The following MYCBP2 variants were observed in gnomAD, a reference collection of about 807,000 sequenced individuals.
MYCBP2 encodes E3 ubiquitin-protein ligase MYCBP2.
MYCBP2 carries 120 observed loss-of-function variants against 525.3 expected under a neutral mutation model. The ratio of observed to expected loss-of-function variants is 0.23; its 90% confidence interval spans 0.20 to 0.27. The LOEUF (loss-of-function observed/expected upper bound fraction) is 0.27, where lower values mean the gene tolerates loss of function less well. Among genes scored for constraint, MYCBP2 ranks in the 10% least tolerant of loss-of-function variants. The pLI, the probability that MYCBP2 is intolerant of heterozygous loss-of-function variation, is 1.00. For synonymous variants in MYCBP2, 1,894 were observed against 1,955.8 expected (o/e 0.97, Z 0.83); for missense variants, 4,149 against 5,657.1 (o/e 0.73, Z 8.55).
At chr13:77,066,576 C>A (rs930974615) in intron 71 of MYCBP2, among the ~76,000 whole-genome samples, 6 of 152,196 alleles carry the variant, frequency 3.9e-5, no homozygotes, top group African/African-American at 1.4e-4. Context: ...TACTGTTACA[C>A]ACAATTACAG....
chr13:77,199,284 G>A (rs916947841), intron 26 of MYCBP2, among the ~76,000 whole-genome samples: 9 of 152,318 alleles, frequency 5.9e-5, no homozygotes, highest in East Asian at 1.9e-4. Flanking sequence ...GGTGACAGAC[G>A]GCACCTGGAA....
intron 1 of MYCBP2, among the ~76,000 whole-genome samples, chr13:77,310,860 T>A (rs1390452497): frequency 2.0e-5 from 3 of 152,134 alleles, no homozygotes; most frequent in Non-Finnish European, 4.4e-5. Context: ...GAAAATCTTT[T>A]TTTAAAGCCA....
chr13:77,313,861 C>G (rs2080574814), intron 1 of MYCBP2, among the ~76,000 whole-genome samples: 1 of 151,912 alleles, frequency 6.6e-6, no homozygotes, highest in African/African-American at 2.4e-5. Context: ...TTAACAGACA[C>G]CTCACCGAAC....
chr13:77,291,510 C>T (rs376156645), intron 2 of MYCBP2, among the ~76,000 whole-genome samples: 20 of 152,336 alleles, frequency 1.3e-4, no homozygotes, highest in African/African-American at 4.8e-4. Flanking sequence ...GTGACTCACG[C>T]CTGTAATCCC....
At chr13:77,122,033 G>C (rs559330125) in intron 54 of MYCBP2, among the ~76,000 whole-genome samples, 1 of 149,974 alleles carries the variant, frequency 6.7e-6, no homozygotes, top group African/African-American at 2.5e-5. Context: ...TTCCCAAATA[G>C]AAGGATAATA....
intron 30 of MYCBP2, among the ~76,000 whole-genome samples, chr13:77,186,466 AAAAT>A (rs1445109195): frequency 6.6e-6 from 1 of 152,192 alleles, no homozygotes; most frequent in East Asian, 1.9e-4. Flanking sequence ...ACTGTAGTAA[AAAAT>A]AAAATAGAGT....
rs1594269567 is a variant in MYCBP2 at position 77,243,872 on chromosome 13, G to T, written c.2461C>A (p.Gln821Lys). The T allele has an allele frequency of 6.2e-7, 1 of 1,610,260 alleles. No homozygotes were observed. Among genetic ancestry groups the T allele is most frequent in the South Asian group, 1.1e-5 (1 of 90,950 alleles). The change falls in exon 16 of 83, where the codon CAA becomes AAA. Residue 821 changes from glutamine to lysine, a missense_variant. Physicochemically the swap from Gln to Lys is moderately conservative, Grantham distance 53 (BLOSUM62 1). Coordinates refer to ENST00000544440, the MANE Select transcript of MYCBP2 (RefSeq NM_015057.5). The stretch of plus-strand genomic sequence containing the variant: ...AGAATTCCTCTTTGTCTTGCCTCTT[G>T]ACCATCTAACTCTCTTGCACAGGCC... ...CKACARELDG[Q>K]EARQRGILDA...
At chr13:77,088,157 T>TA (rs928849408) in intron 61 of MYCBP2, among the ~76,000 whole-genome samples, 18 of 151,680 alleles carry the variant, frequency 1.2e-4, no homozygotes, top group South Asian at 2.1e-4. Context: ...GGTTTTAATT[T>TA]AAAAAAAACA....
intron 44 of MYCBP2, 132 bp from the exon 45 acceptor site, chr13:77,158,241 T>C (rs552302094): frequency 4.0e-6 from 2 of 494,872 alleles, no homozygotes; most frequent in Non-Finnish European, 6.7e-6. Flanking sequence ...CCACTGTTCC[T>C]TCTTTTAACC....
At chr13:77,078,737 T>C in intron 66 of MYCBP2, 87 bp downstream of exon 66, 4 of 1,042,348 alleles carry the variant, frequency 3.8e-6, no homozygotes, top group Non-Finnish European at 4.5e-6. Flanking sequence ...TTTGGTTGTG[T>C]GCCAAGGGTG....
chr13:77,186,170 T>G (rs2060694763), intron 30 of MYCBP2, 107 bp from the exon 31 acceptor site: 2 of 788,780 alleles, frequency 2.5e-6, no homozygotes, highest in Admixed American at 7.5e-5. Flanking sequence ...CTTTTGAATT[T>G]TTTTACTGAG....
At chr13:77,268,704 G>T (rs1485169788) in intron 7 of MYCBP2, among the ~76,000 whole-genome samples, 1 of 151,962 alleles carries the variant, frequency 6.6e-6, no homozygotes, top group African/African-American at 2.4e-5. Flanking sequence ...GCCTGAACCT[G>T]GGAGGCGGAG....
At chr13:77,225,635 A>C in intron 18 of MYCBP2, 81 bp from the exon 19 acceptor site, 1 of 1,522,742 alleles carries the variant, frequency 6.6e-7, no homozygotes, top group Non-Finnish European at 9.0e-7. Flanking sequence ...TTATTATGGA[A>C]GAACAAGAGA....
chr13:77,230,725 G>C (rs1331108482), intron 18 of MYCBP2, among the ~76,000 whole-genome samples: 6 of 152,230 alleles, frequency 3.9e-5, no homozygotes, highest in Non-Finnish European at 8.8e-5. Context: ...TAGACAAACT[G>C]TGATTGGCGT....
At chr13:77,108,629 G>C (rs1339642695) in intron 55 of MYCBP2, among the ~76,000 whole-genome samples, 2 of 151,986 alleles carry the variant, frequency 1.3e-5, no homozygotes, top group Non-Finnish European at 2.9e-5. Context: ...TCCTGAGAAA[G>C]AGACAACGCT....
intron 55 of MYCBP2, among the ~76,000 whole-genome samples, chr13:77,111,084 G>A (rs1407392411): frequency 6.6e-6 from 1 of 152,164 alleles, no homozygotes; most frequent in Non-Finnish European, 1.5e-5. Context: ...AGAAGTTTGA[G>A]AGAATAACAA....
At chr13:77,103,177 A>C (rs2047337897) in intron 55 of MYCBP2, 1 of 397,414 alleles carries the variant, frequency 2.5e-6, no homozygotes, top group Admixed American at 4.4e-5. Flanking sequence ...GTTCATTAAG[A>C]ATGGCCCATC....
intron 69 of MYCBP2, among the ~76,000 whole-genome samples, chr13:77,069,085 T>C (rs979600020): frequency 6.6e-6 from 1 of 152,216 alleles, no homozygotes; most frequent in Non-Finnish European, 1.5e-5. Context: ...TGCAAGTTAT[T>C]AATGCCTATG....
intron 26 of MYCBP2, among the ~76,000 whole-genome samples, chr13:77,200,744 T>G (rs1317043150): frequency 1.3e-5 from 2 of 152,178 alleles, no homozygotes; most frequent in Non-Finnish European, 2.9e-5. Flanking sequence ...TATTCAACAT[T>G]CTTTAAGAAA....
Sources: allele counts gnomAD v4.1 joint callset (sites outside exome capture counted in the v4.1 genomes callset), GRCh38; gene constraint gnomAD v4.1.1; transcripts MANE v1.5; gene names NCBI Gene and HGNC (gene_info 2026-07-23, HGNC 2026-07-21).